FBXL7: variants seen among roughly 807,000 people sequenced by gnomAD.
FBXL7 encodes F-box and leucine rich repeat protein 7, also known as F-box/LRR-repeat protein 7.
Under a neutral mutation model 38.3 loss-of-function variants are expected in FBXL7, and 12 were observed. That is an observed-to-expected ratio of 0.31 (90% CI 0.20 to 0.51). The LOEUF (loss-of-function observed/expected upper bound fraction) is 0.51. Among genes scored for constraint, FBXL7 ranks in the 20% least tolerant of loss-of-function variants. The probability of loss-of-function intolerance (pLI) is 0.98; values close to 1 mark genes in which losing one functional copy is unlikely to be tolerated. For missense variants in FBXL7, 567 were observed against 676.4 expected, an observed-to-expected ratio of 0.84 and a Z score of 1.79; for synonymous variants, 297 against 300.9, an observed-to-expected ratio of 0.99 and a Z score of 0.13.
intron 2 of FBXL7, among the ~76,000 whole-genome samples, chr5:15,832,454 G>A (rs909269982): frequency 3.3e-5 from 5 of 152,234 alleles, no homozygotes; most frequent in Middle Eastern, 3.4e-3. Flanking sequence ...ATATTCAAAG[G>A]TAACAGACTG....
Position 15,677,421 on chromosome 5 carries a change from C to T in FBXL7, c.127+61349C>T, listed in dbSNP as rs373202569. ...AGTGGAGGTTGCAGTAAGCCAAGAT[C>T]GCACCATTGCACTCCAGCCTGGGCA... On this transcript the variant is annotated intron_variant, in intron 2 of 3. Coordinates refer to ENST00000504595, the MANE Select transcript of FBXL7 (RefSeq NM_012304.5). Among the ~76,000 whole-genome samples, 44 of 151,376 alleles carry T rather than the reference C, an allele frequency of 2.9e-4. 1 individual carries two copies. In the Middle Eastern group the frequency reaches 0.014, roughly 47 times the overall value.
rs758000738 is a variant in FBXL7, at chr5:15,937,051, G to C, written c.1341G>C (p.Gln447His). 1 of 1,613,904 alleles carries C rather than the reference G, an allele frequency of 6.2e-7. No individual in the cohort carries two copies. The highest frequency in any genetic ancestry group is 1.3e-5 in the African/African-American group (1 of 74,948). Residue 447 changes from glutamine to histidine, a missense_variant, in exon 4 of 4, where the codon CAG becomes CAC. Gln to His is a conservative substitution (Grantham distance 24). Coordinates refer to ENST00000504595, the MANE Select transcript of FBXL7 (RefSeq NM_012304.5). ...SCESITGQGL[Q>H]IVAANCFDLQ... is the part of the protein sequence containing the mutation. ...AGAGCATCACCGGCCAGGGCTTGCA[G>C]ATCGTGGCCGCCAACTGCTTTGACC...
intron 2 of FBXL7, among the ~76,000 whole-genome samples, chr5:15,692,557 A>C (rs1002526233): frequency 6.6e-6 from 1 of 152,206 alleles, no homozygotes; most frequent in East Asian, 1.9e-4. Flanking sequence ...TGGAAAAGCC[A>C]GTAAACTTTC....
chr5:15,887,657 A>G (rs752729530), intron 2 of FBXL7, among the ~76,000 whole-genome samples: 20 of 152,284 alleles, frequency 1.3e-4, no homozygotes, highest in Non-Finnish European at 2.2e-4. Flanking sequence ...CTCAGTAAAC[A>G]CGTAGAGTAT....
chr5:15,874,226 A>G (rs909701378), intron 2 of FBXL7, among the ~76,000 whole-genome samples: 3 of 152,224 alleles, frequency 2.0e-5, no homozygotes, highest in African/African-American at 7.2e-5. Flanking sequence ...ACAGCCCTTC[A>G]TGCTAAAAAC....
intron 1 of FBXL7, among the ~76,000 whole-genome samples, chr5:15,505,162 G>A (rs1397704253): frequency 2.0e-5 from 3 of 152,310 alleles, no homozygotes; most frequent in African/African-American, 7.2e-5. Flanking sequence ...TATAATAACA[G>A]TGGCAGCTAA....
chr5:15,688,287 T>G (rs2126618303), intron 2 of FBXL7, among the ~76,000 whole-genome samples: 1 of 152,328 alleles, frequency 6.6e-6, no homozygotes, highest in African/African-American at 2.4e-5. Flanking sequence ...ATTAAGTGCT[T>G]ATCATAGCTC....
chr5:15,682,796 T>G (rs1434700169), intron 2 of FBXL7, among the ~76,000 whole-genome samples: 2 of 152,218 alleles, frequency 1.3e-5, no homozygotes, highest in East Asian at 3.9e-4. Context: ...AATCAGCCTG[T>G]TGCCACATGG....
chr5:15,744,083 C>T (rs1340801888), intron 2 of FBXL7, among the ~76,000 whole-genome samples: 2 of 152,204 alleles, frequency 1.3e-5, no homozygotes, highest in Admixed American at 6.5e-5. Flanking sequence ...GCTGTGAAGA[C>T]CTCTGACATG....
chr5:15,889,905 A>C (rs980760069), intron 2 of FBXL7, among the ~76,000 whole-genome samples: 8 of 152,192 alleles, frequency 5.3e-5, no homozygotes, highest in African/African-American at 1.9e-4. Flanking sequence ...ACACAAACAA[A>C]AAAAACCAGG....
intron 2 of FBXL7, among the ~76,000 whole-genome samples, chr5:15,905,018 G>A (rs1325217568): frequency 6.6e-6 from 1 of 152,150 alleles, no homozygotes; most frequent in Non-Finnish European, 1.5e-5. Context: ...GTTGTTCTTT[G>A]TGGCCTGTGC....
chr5:15,630,267 T>C (rs540734183), intron 2 of FBXL7, among the ~76,000 whole-genome samples: 1 of 152,268 alleles, frequency 6.6e-6, no homozygotes, highest in South Asian at 2.1e-4. Flanking sequence ...AAAAGAAAAA[T>C]GTTATTCCTT....
At chr5:15,576,001 T>C (rs1738949722) in intron 1 of FBXL7, among the ~76,000 whole-genome samples, 1 of 152,254 alleles carries the variant, frequency 6.6e-6, no homozygotes, top group South Asian at 2.1e-4. Context: ...TGATTTATAT[T>C]TGTAAATGGT....
intron 2 of FBXL7, among the ~76,000 whole-genome samples, chr5:15,826,055 C>T (rs577908741): frequency 1.3e-5 from 2 of 152,274 alleles, no homozygotes; most frequent in East Asian, 1.9e-4. Context: ...GAGGACACAG[C>T]CAACATTTCT....
intron 1 of FBXL7, among the ~76,000 whole-genome samples, chr5:15,579,825 G>A (rs1739080081): frequency 6.6e-6 from 1 of 152,082 alleles, no homozygotes. Context: ...GCCTCTCTGT[G>A]TGGTCTTTCT....
intron 2 of FBXL7, among the ~76,000 whole-genome samples, chr5:15,671,534 C>G (rs1742477052): frequency 6.6e-6 from 1 of 152,132 alleles, no homozygotes; most frequent in South Asian, 2.1e-4. Flanking sequence ...TTAATAATCC[C>G]TAACTCTGAT....
At chr5:15,919,365 C>G (rs1040281194) in intron 2 of FBXL7, among the ~76,000 whole-genome samples, 1 of 152,004 alleles carries the variant, frequency 6.6e-6, no homozygotes, top group Non-Finnish European at 1.5e-5. Flanking sequence ...TATTTTGATA[C>G]TATACTGTAA....
chr5:15,763,608 G>A (rs1256255194), intron 2 of FBXL7, among the ~76,000 whole-genome samples: 1 of 152,134 alleles, frequency 6.6e-6, no homozygotes, highest in Non-Finnish European at 1.5e-5. Flanking sequence ...AGGTTACATA[G>A]AATGATTTTC....
At chr5:15,661,590 G>A (rs899072126) in intron 2 of FBXL7, among the ~76,000 whole-genome samples, 1 of 152,028 alleles carries the variant, frequency 6.6e-6, no homozygotes, top group African/African-American at 2.4e-5. Context: ...TACATGTGAA[G>A]GTTTGTTACA....
Sources: gnomAD v4.1 joint callset for allele counts (sites outside exome capture counted in the v4.1 genomes callset) on GRCh38, gnomAD v4.1.1 for gene constraint, MANE v1.5 for transcripts, NCBI Gene and HGNC (gene_info 2026-07-23, HGNC 2026-07-21) for gene names.